The following SCFD2 variants were observed in gnomAD, a reference collection of about 807,000 sequenced individuals.
The protein encoded by SCFD2 is sec1 family domain containing 2.
Under a neutral mutation model 58.9 loss-of-function variants are expected in SCFD2, and 54 were observed. The observed-to-expected ratio is 0.92, with a 90% CI of 0.74 to 1.15. The LOEUF (loss-of-function observed/expected upper bound fraction) is 1.15. Ranked by LOEUF, SCFD2 falls within the 50% of genes most tolerant of loss-of-function variation. The pLI is 0.00. For synonymous variants in SCFD2, 321 were observed against 335.9 expected (o/e 0.96, Z 0.49); for missense variants, 805 against 836.6 (o/e 0.96, Z 0.47).
intron 5 of SCFD2, among the ~76,000 whole-genome samples, chr4:52,980,813 A>T (rs1470859809): frequency 1.3e-5 from 2 of 152,102 alleles, no homozygotes; most frequent in Non-Finnish European, 2.9e-5. Flanking sequence ...TGTTACCCCA[A>T]AGCACACAGC....
At chr4:53,007,632 A>T (rs1158366311) in intron 5 of SCFD2, among the ~76,000 whole-genome samples, 1 of 152,046 alleles carries the variant, frequency 6.6e-6, no homozygotes, top group Non-Finnish European at 1.5e-5. Context: ...TGTACCTGTA[A>T]AATGGAGGTA....
chr4:53,276,832 G>C lies in SCFD2; in HGVS notation c.1136-2831C>G, dbSNP rs548294432. On this transcript the variant is annotated intron_variant, in intron 3 of 8. Transcript: ENST00000401642. Reference sequence around the variant, plus strand: ...TGCCTTACAACTTCACCAACACTTGGTTTTGTCAGCTATTTTTATTTTAAT... The same window carrying C: ...TGCCTTACAACTTCACCAACACTTGCTTTTGTCAGCTATTTTTATTTTAAT... Among the ~76,000 whole-genome samples, 107 of 152,244 alleles carry C rather than the reference G, an allele frequency of 7.0e-4. No individual in the cohort carries two copies. In the Middle Eastern group the frequency reaches 0.02, roughly 29 times the overall value.
At chr4:53,082,343 A>G (rs1304789496) in intron 5 of SCFD2, among the ~76,000 whole-genome samples, 2 of 152,104 alleles carry the variant, frequency 1.3e-5, no homozygotes, top group African/African-American at 4.8e-5. Context: ...CCAAATCCTC[A>G]TCAGTATTTG....
intron 5 of SCFD2, among the ~76,000 whole-genome samples, chr4:53,135,363 G>T (rs1237868017): frequency 6.6e-6 from 1 of 152,182 alleles, no homozygotes. Flanking sequence ...AAACTTTGGT[G>T]ATTTCAAATT....
chr4:52,992,290 A>T (rs1721630109), intron 5 of SCFD2, among the ~76,000 whole-genome samples: 1 of 152,136 alleles, frequency 6.6e-6, no homozygotes, highest in Non-Finnish European at 1.5e-5. Flanking sequence ...CGGCCTCCTG[A>T]GGTGCCGGGA....
chr4:53,004,862 C>G (rs1721939492), intron 5 of SCFD2, among the ~76,000 whole-genome samples: 2 of 152,126 alleles, frequency 1.3e-5, no homozygotes, highest in Admixed American at 1.3e-4. Flanking sequence ...CCCCAGCACC[C>G]ATGAAACCTC....
At chr4:53,334,032 A>C (rs1041891173) in intron 2 of SCFD2, among the ~76,000 whole-genome samples, 4 of 152,092 alleles carry the variant, frequency 2.6e-5, no homozygotes, top group Admixed American at 2.6e-4. Flanking sequence ...AGAGAAATGC[A>C]AATCAAAACC....
chr4:53,049,772 G>A (rs1411050823), intron 5 of SCFD2, among the ~76,000 whole-genome samples: 1 of 152,098 alleles, frequency 6.6e-6, no homozygotes, highest in Admixed American at 6.6e-5. Flanking sequence ...TTCTGATAAT[G>A]ATAATGACTA....
In SCFD2 at chr4:53,145,380, A is replaced by T; in HGVS notation, c.1514T>A (p.Val505Asp). Residue 505 changes from valine (V) to aspartate (D), a missense_variant, in exon 5 of 9, where the codon GTC becomes GAC. By Grantham distance (152) the Val-to-Asp change is radical. Coordinates refer to ENST00000401642, the MANE Select transcript of SCFD2 (RefSeq NM_152540.4). ...TGACAATCCAGATTCCTCACAGAAGACCTGAGCCAATGCTTTCTTGACTTT... is the reference window on the plus strand; with the variant it reads ...TGACAATCCAGATTCCTCACAGAAGTCCTGAGCCAATGCTTTCTTGACTTT... ...EEKVKKALAQVFCEESGLSPL... is the reference protein window; with the variant it reads ...EEKVKKALAQDFCEESGLSPL... 6.2e-7 allele frequency: 1 copy of T among 1,614,122 alleles called. No homozygotes were observed. Among genetic ancestry groups the T allele is most frequent in the Non-Finnish European group, 8.5e-7 (1 of 1,179,998 alleles).
In SCFD2 at chr4:53,007,305, G is replaced by GGAGAGAGAGAGAGAGAGAGAGAGA. The variant is rs147645284; in HGVS notation, c.1562-86459_1562-86436dup. 1.0e-3 allele frequency among the ~76,000 whole-genome samples: 69 copies of GGAGAGAGAGAGAGAGAGAGAGAGA among 66,076 alleles called. 3 individuals carry two copies. Among genetic ancestry groups the GGAGAGAGAGAGAGAGAGAGAGAGA allele is most frequent in the Admixed American group, 1.5e-3 (6 of 3,914 alleles). The allele number at this position is 66,076 out of a possible 152,430, so 43.3% of individuals were successfully genotyped here. A position where few individuals can be genotyped will look rare whatever the true frequency, so the allele number is the denominator to read the frequency against. On this transcript the variant is annotated intron_variant, in intron 5 of 8. Coordinates refer to ENST00000401642, the MANE Select transcript of SCFD2 (RefSeq NM_152540.4). ...AGGAGAGAGAGGGAGAGAGGGAGAGGGAGAGAGAGAGAGAGAGAGAGAGAG... is the reference window on the plus strand; with the variant it reads ...AGGAGAGAGAGGGAGAGAGGGAGAGGGAGAGAGAGAGAGAGAGAGAGAGAGAGAGAGAGAGAGAGAGAGAGAGAG...
intron 4 of SCFD2, among the ~76,000 whole-genome samples, chr4:53,154,665 A>AT: frequency 6.6e-6 from 1 of 152,362 alleles, no homozygotes; most frequent in East Asian, 1.9e-4. Context: ...AGGAGCCCAC[A>AT]TCCTAGTCCC....
At chr4:52,965,679 C>A (rs1415239051) in intron 5 of SCFD2, among the ~76,000 whole-genome samples, 1 of 152,188 alleles carries the variant, frequency 6.6e-6, no homozygotes, top group Non-Finnish European at 1.5e-5. Context: ...AGCCAGCAAG[C>A]CTGGCTGGGT....
chr4:52,942,056 T>C (rs1041359263), intron 5 of SCFD2, among the ~76,000 whole-genome samples: 1 of 152,210 alleles, frequency 6.6e-6, no homozygotes, highest in Non-Finnish European at 1.5e-5. Flanking sequence ...CTACTGCTGA[T>C]TCTTTCACAG....
intron 5 of SCFD2, among the ~76,000 whole-genome samples, chr4:52,979,068 G>T (rs963440859): frequency 3.3e-5 from 5 of 150,382 alleles, no homozygotes; most frequent in African/African-American, 4.8e-5. Flanking sequence ...CTTTTTTTGG[G>T]GGGGGGAGTA....
chr4:53,252,605 G>C (rs1730435646), intron 4 of SCFD2, among the ~76,000 whole-genome samples: 1 of 151,624 alleles, frequency 6.6e-6, no homozygotes, highest in Non-Finnish European at 1.5e-5. Context: ...TCTGATCTTT[G>C]ACAATCCTGA....
At chr4:53,043,093 A>C (rs1226100619) in intron 5 of SCFD2, among the ~76,000 whole-genome samples, 1 of 152,172 alleles carries the variant, frequency 6.6e-6, no homozygotes, top group African/African-American at 2.4e-5. Flanking sequence ...AAATCCGATT[A>C]TATTATGTAT....
intron 3 of SCFD2, among the ~76,000 whole-genome samples, chr4:53,303,240 C>G (rs965343537): frequency 5.3e-5 from 8 of 151,962 alleles, no homozygotes; most frequent in African/African-American, 1.9e-4. Flanking sequence ...ACAATGAACT[C>G]AAATACATTT....
chr4:52,973,083 C>T (rs1378955779), intron 5 of SCFD2, among the ~76,000 whole-genome samples: 1 of 152,142 alleles, frequency 6.6e-6, no homozygotes, highest in Non-Finnish European at 1.5e-5. Context: ...CTAAAATTGA[C>T]ACCCTAACAT....
intron 5 of SCFD2, among the ~76,000 whole-genome samples, chr4:53,036,428 G>C (rs1722760656): frequency 4.0e-5 from 6 of 151,276 alleles, no homozygotes; most frequent in Admixed American, 4.0e-4. Flanking sequence ...CAATAGCAAA[G>C]ATTTGGAACC....
Sources: allele counts gnomAD v4.1 joint callset (sites outside exome capture counted in the v4.1 genomes callset), GRCh38; gene constraint gnomAD v4.1.1; transcripts MANE v1.5; gene names NCBI Gene and HGNC (gene_info 2026-07-23, HGNC 2026-07-21).